Variants in MAGI2 observed in about 807,000 individuals in gnomAD.
MAGI2 encodes membrane-associated guanylate kinase, WW and PDZ domain-containing protein 2.
Under a neutral mutation model 133.3 loss-of-function variants are expected in MAGI2, and 35 were observed. That is an observed-to-expected ratio of 0.26 (90% confidence interval 0.20 to 0.35). MAGI2 has a LOEUF of 0.35. Among genes scored for constraint, MAGI2 ranks in the 10% least tolerant of loss-of-function variants. The pLI, the probability that MAGI2 is intolerant of heterozygous loss-of-function variation, is 1.00. For missense variants in MAGI2, 1,636 were observed against 1,863.4 expected (o/e 0.88, Z 2.25); for synonymous variants, 729 against 710.6 (o/e 1.03, Z -0.41).
At chr7:79,119,747 C>A (rs369114505) in intron 1 of MAGI2, among the ~76,000 whole-genome samples, 3 of 151,950 alleles carry the variant, frequency 2.0e-5, no homozygotes, top group Non-Finnish European at 4.4e-5. Flanking sequence ...AATCTAACAT[C>A]GAAGGGAAGG....
chr7:78,468,312 A>G (rs1790847357), intron 6 of MAGI2, among the ~76,000 whole-genome samples: 1 of 152,146 alleles, frequency 6.6e-6, no homozygotes, highest in Admixed American at 6.6e-5. Context: ...TGCAAACTCC[A>G]GTGGCTACTA....
chr7:79,161,366 C>T (rs1009258134), intron 1 of MAGI2, among the ~76,000 whole-genome samples: 1 of 151,972 alleles, frequency 6.6e-6, no homozygotes, highest in African/African-American at 2.4e-5. Flanking sequence ...TTGTGCTGAG[C>T]GTTTATTGGG....
At chr7:78,634,177 T>G (rs1490684346) in intron 2 of MAGI2, among the ~76,000 whole-genome samples, 1 of 152,212 alleles carries the variant, frequency 6.6e-6, no homozygotes, top group Non-Finnish European at 1.5e-5. Flanking sequence ...TTTTGTCTGA[T>G]TACACAGTAA....
rs143812906 is a variant in MAGI2 at position 78,590,695 on chromosome 7, C to T, written c.538+36425G>A. Among the ~76,000 whole-genome samples the T allele has an allele frequency of 9.7e-4, 148 of 152,242 alleles. 1 individual carries two copies. Among genetic ancestry groups the T allele is most frequent in the African/African-American group, 3.4e-3 (140 of 41,542 alleles). On this transcript the variant is annotated intron_variant, in intron 3 of 21. Transcript: ENST00000354212. The stretch of plus-strand genomic sequence containing the variant: ...CAGGAAAACCATTCAAGCCACTTAC[C>T]TTTTCTCTCTTTCCTCTAGGAAATA...
chr7:78,618,082 GA>G, intron 3 of MAGI2: 1 of 152,112 alleles, frequency 6.6e-6, no homozygotes, highest in Middle Eastern at 3.4e-3. Context: ...ACAAATCTCT[GA>G]AAAACCTCTG....
At chr7:78,174,734 C>G (rs1269663654) in intron 14 of MAGI2, among the ~76,000 whole-genome samples, 2 of 152,118 alleles carry the variant, frequency 1.3e-5, no homozygotes, top group Non-Finnish European at 2.9e-5. Context: ...TAGGGGCTGA[C>G]CATACCCGAA....
intron 2 of MAGI2, among the ~76,000 whole-genome samples, chr7:78,887,215 C>T (rs1796340568): frequency 6.6e-6 from 1 of 152,194 alleles, no homozygotes; most frequent in African/African-American, 2.4e-5. Flanking sequence ...TCAGTAATCA[C>T]CATCCTGTCA....
intron 1 of MAGI2, among the ~76,000 whole-genome samples, chr7:79,443,723 G>C (rs1389403986): frequency 1.3e-5 from 2 of 152,156 alleles, no homozygotes; most frequent in Non-Finnish European, 2.9e-5. Flanking sequence ...AACAGTTTTT[G>C]TGCTACACTT....
chr7:79,331,794 A>T (rs1367078421), intron 1 of MAGI2, among the ~76,000 whole-genome samples: 1 of 152,104 alleles, frequency 6.6e-6, no homozygotes, highest in Non-Finnish European at 1.5e-5. Flanking sequence ...GTAATTTTTT[A>T]AAAAGGTATC....
chr7:78,194,707 A>C, intron 12 of MAGI2, among the ~76,000 whole-genome samples, 167 bp downstream of exon 12: 1 of 152,242 alleles, frequency 6.6e-6, no homozygotes, highest in East Asian at 1.9e-4. Flanking sequence ...ACCGACTTTT[A>C]GAGTCAACAG....
At chr7:78,574,228 T>C (rs1256736942) in intron 3 of MAGI2, among the ~76,000 whole-genome samples, 1 of 152,126 alleles carries the variant, frequency 6.6e-6, no homozygotes, top group African/African-American at 2.4e-5. Context: ...TGTGAAAAGG[T>C]GACAGGGTGG....
intron 9 of MAGI2, among the ~76,000 whole-genome samples, chr7:78,284,437 G>T (rs1032915114): frequency 9.2e-5 from 13 of 141,300 alleles, no homozygotes; most frequent in Non-Finnish European, 1.6e-4. Flanking sequence ...GAGGAAAGGG[G>T]AGGTTTTCTT....
chr7:79,358,132 A>G (rs1842145885), intron 1 of MAGI2, among the ~76,000 whole-genome samples: 1 of 152,042 alleles, frequency 6.6e-6, no homozygotes. Flanking sequence ...TTTCTCTATG[A>G]AAATATCCTC....
intron 2 of MAGI2, among the ~76,000 whole-genome samples, chr7:78,754,498 C>T (rs564582861): frequency 6.6e-6 from 1 of 152,172 alleles, no homozygotes; most frequent in African/African-American, 2.4e-5. Flanking sequence ...CATGGACTCA[C>T]TGACATTTCC....
chr7:78,627,890 T>G lies in MAGI2; in HGVS notation c.419-651A>C, dbSNP rs144469850. Among the ~76,000 whole-genome samples, 1,017 of 152,344 alleles carry G rather than the reference T, an allele frequency of 6.7e-3. 12 individuals carry two copies. Among genetic ancestry groups the G allele is most frequent in the African/African-American group, 0.015 (628 of 41,568 alleles). ...TAATCTGACAGGAGAAAACTTTCTC[T>G]GACTCCATCACACAGGCTCTCCCTT... On this transcript the variant is annotated intron_variant, in intron 2 of 21. Coordinates refer to ENST00000354212, the MANE Select transcript of MAGI2 (RefSeq NM_012301.4).
intron 1 of MAGI2, among the ~76,000 whole-genome samples, chr7:79,336,020 CTAAAT>C (rs1158534674): frequency 6.6e-6 from 1 of 152,030 alleles, no homozygotes; most frequent in African/African-American, 2.4e-5. Context: ...TATATTATGA[CTAAAT>C]TAATGAGTCT....
chr7:78,624,933 T>A (rs1808179088), intron 3 of MAGI2, among the ~76,000 whole-genome samples: 1 of 152,114 alleles, frequency 6.6e-6, no homozygotes, highest in Non-Finnish European at 1.5e-5. Flanking sequence ...AAACGTTAAC[T>A]GTTAAACAGC....
intron 6 of MAGI2, among the ~76,000 whole-genome samples, chr7:78,426,679 T>C (rs1235434826): frequency 6.6e-6 from 1 of 151,872 alleles, no homozygotes; most frequent in Non-Finnish European, 1.5e-5. Context: ...TATCAAGCAG[T>C]CTACCACATA....
intron 3 of MAGI2, among the ~76,000 whole-genome samples, chr7:78,571,314 C>T (rs1801474679): frequency 6.6e-6 from 1 of 152,138 alleles, no homozygotes; most frequent in South Asian, 2.1e-4. Context: ...GCCTCTTTGG[C>T]TCCTGTTCTC....
Sources: allele counts gnomAD v4.1 joint callset (sites outside exome capture counted in the v4.1 genomes callset), GRCh38; gene constraint gnomAD v4.1.1; transcripts MANE v1.5; gene names NCBI Gene and HGNC (gene_info 2026-07-23, HGNC 2026-07-21).